The following CDH23 variants were observed in gnomAD, a reference collection of about 807,000 sequenced individuals.
CDH23 encodes cadherin related 23, also known as cadherin-23.
Under a neutral mutation model 317.1 loss-of-function variants are expected in CDH23, and 189 were observed. The observed-to-expected ratio is 0.60, with a 90% confidence interval of 0.53 to 0.67. The LOEUF (loss-of-function observed/expected upper bound fraction) is 0.67. Among genes scored for constraint, CDH23 ranks in the 30% least tolerant of loss-of-function variants. The probability of loss-of-function intolerance (pLI) is 0.00; values close to 1 mark genes in which losing one functional copy is unlikely to be tolerated. For missense variants in CDH23, 4,401 were observed against 4,592.4 expected (o/e 0.96, Z 1.20); for synonymous variants, 1,839 against 1,876.8 (o/e 0.98, Z 0.52).
At chr10:71,580,281 G>A (rs1001610237) in intron 9 of CDH23, among the ~76,000 whole-genome samples, 2 of 152,226 alleles carry the variant, frequency 1.3e-5, no homozygotes, top group African/African-American at 4.8e-5. Context: ...ACTGCCTGCA[G>A]CATCTCCAGT....
chr10:71,672,856 C>T (rs1036917811), intron 14 of CDH23, among the ~76,000 whole-genome samples: 7 of 152,248 alleles, frequency 4.6e-5, no homozygotes, highest in Admixed American at 1.3e-4. Context: ...TTGTGGGGCA[C>T]CCAGATCTGA....
chr10:71,689,084 TGGTGGAGC>T (rs1564733991), intron 19 of CDH23, among the ~76,000 whole-genome samples: 309 of 139,890 alleles, frequency 2.2e-3, no homozygotes, highest in African/African-American at 4.1e-3. Context: ...GAGCCAGGGG[TGGTGGAGC>T]CAGGGGTGGT....
At chr10:71,765,774 C>T (rs1840525608) in intron 38 of CDH23, among the ~76,000 whole-genome samples, 1 of 152,094 alleles carries the variant, frequency 6.6e-6, no homozygotes, top group Non-Finnish European at 1.5e-5. Context: ...GAGTTGTTCC[C>T]CTTTTAGAAA....
intron 3 of CDH23, among the ~76,000 whole-genome samples, chr10:71,499,421 G>A (rs146230284): frequency 0.017 from 2,604 of 152,028 alleles, 60 homozygotes; most frequent in African/African-American, 0.054. Context: ...AATTAGCCAC[G>A]CATAGTGGCA....
chr10:71,617,074 G>A (rs989513935), intron 10 of CDH23, 131 bp from the exon 11 acceptor site: 2 of 1,231,830 alleles, frequency 1.6e-6, no homozygotes, highest in Non-Finnish European at 2.2e-6. Context: ...TCCTCCTGGA[G>A]TTGTGGTGAG....
rs746797695 is a variant in CDH23, at chr10:71,732,255, G to A, written c.3984G>A (p.Leu1328=). ...CTGCCATCCTGGAGAATCTGGCACT[G>A]GGTACTGAGATTGTGCGGGTCCAGG... ...YEAAILENLA[L]GTEIVRVQAY... Residue 1328 remains leucine (L), a synonymous_variant, in exon 32 of 70, where the codon CTG becomes CTA. Transcript: ENST00000224721. 6 of 1,613,742 alleles carry A rather than the reference G, an allele frequency of 3.7e-6. No homozygotes were observed. The highest frequency in any genetic ancestry group is 5.1e-6 in the Non-Finnish European group (6 of 1,179,746).
At chr10:71,717,021 C>G (rs866827451) in intron 28 of CDH23, 2 of 152,288 alleles carry the variant, frequency 1.3e-5, no homozygotes, top group African/African-American at 4.8e-5. Flanking sequence ...CACCCTCCCC[C>G]ACAGGCCCAC....
At chr10:71,661,232 G>C (rs1863635825) in intron 14 of CDH23, among the ~76,000 whole-genome samples, 1 of 152,120 alleles carries the variant, frequency 6.6e-6, no homozygotes, top group African/African-American at 2.4e-5. Context: ...AACTTGATTA[G>C]CCAACATACA....
rs778556511 is a variant in CDH23, at chr10:71,805,852, A to G, written c.7919A>G (p.Lys2640Arg). 1 of 1,613,814 alleles carries G rather than the reference A, an allele frequency of 6.2e-7. No homozygotes were observed. Among genetic ancestry groups the G allele is most frequent in the South Asian group, 1.1e-5 (1 of 91,000 alleles). ...GTGTACGAGGTCTACGCCACGGACA[A>G]GGATGAGGGCCTCAACGGGGCGGTG... ...SNVYEVYATD[K>R]DEGLNGAVRY... The change falls in exon 56 of 70, where the codon AAG becomes AGG. Residue 2640 changes from lysine to arginine, a missense_variant. Physicochemically the swap from Lys to Arg is conservative, Grantham distance 26. This residue lies in a region of CDH23 where 1,144 missense variants were observed against 1,138.2 expected (regional missense o/e 1.01). Coordinates refer to ENST00000224721, the MANE Select transcript of CDH23 (RefSeq NM_022124.6).
intron 18 of CDH23, among the ~76,000 whole-genome samples, chr10:71,687,361 G>C (rs1864949579): frequency 1.3e-5 from 2 of 152,138 alleles, no homozygotes; most frequent in Non-Finnish European, 2.9e-5. Flanking sequence ...GCTGGCAGCT[G>C]TCGGCAGTCC....
chr10:71,472,838 G>A (rs1337186650), intron 3 of CDH23, among the ~76,000 whole-genome samples: 2 of 152,198 alleles, frequency 1.3e-5, no homozygotes, highest in African/African-American at 2.4e-5. Context: ...TGGGAAAATA[G>A]CATCTTTAAT....
At chr10:71,523,996 C>G (rs1197379021) in intron 6 of CDH23, among the ~76,000 whole-genome samples, 1 of 152,222 alleles carries the variant, frequency 6.6e-6, no homozygotes, top group Non-Finnish European at 1.5e-5. Context: ...TCACCCTCCC[C>G]GTTTTTCATG....
Position 71,808,006 on chromosome 10 carries a change from G to A in CDH23, c.8721G>A (p.Met2907Ile), listed in dbSNP as rs1841790913. ...DSEDVGQVFT[M>I]GSMDGILRTF... is the part of the protein sequence containing the mutation. ...AAGATGTGGGCCAGGTCTTCACCAT[G>A]GGTAGGGCCTGGCAGCACATGAGTG... is the stretch of plus-strand genomic sequence containing the variant. Residue 2907 changes from methionine to isoleucine, a missense_variant and splice_region_variant, in exon 60 of 70, where the codon ATG becomes ATA. Met to Ile is a conservative substitution (Grantham distance 10). Transcript: ENST00000224721. 13 of 1,582,018 alleles carry A rather than the reference G, an allele frequency of 8.2e-6. No homozygotes were observed. The highest frequency in any genetic ancestry group is 1.1e-5 in the Non-Finnish European group (13 of 1,163,600).
At chr10:71,686,267 A>C (rs1199109571) in intron 18 of CDH23, among the ~76,000 whole-genome samples, 1 of 151,980 alleles carries the variant, frequency 6.6e-6, no homozygotes, top group Non-Finnish European at 1.5e-5. Flanking sequence ...CAGAAGCTTA[A>C]ATGTATAAGT....
chr10:71,517,382 G>T (rs1017623379), intron 6 of CDH23, among the ~76,000 whole-genome samples: 1 of 152,240 alleles, frequency 6.6e-6, no homozygotes, highest in African/African-American at 2.4e-5. Context: ...CATGTGAGGA[G>T]CCCTGGAGTG....
chr10:71,423,165 A>T (rs920310744), intron 1 of CDH23, among the ~76,000 whole-genome samples: 3 of 152,140 alleles, frequency 2.0e-5, no homozygotes, highest in African/African-American at 7.2e-5. Flanking sequence ...GGTCCAGTGA[A>T]AGAGACAGGC....
chr10:71,708,372 C>T (rs374327210), intron 26 of CDH23, among the ~76,000 whole-genome samples: 2 of 152,298 alleles, frequency 1.3e-5, no homozygotes, highest in East Asian at 1.9e-4. Context: ...CACCACAAAG[C>T]TGGTGCCGTG....
At chr10:71,460,144 C>T (rs1564594256) in intron 3 of CDH23, among the ~76,000 whole-genome samples, 1 of 152,256 alleles carries the variant, frequency 6.6e-6, no homozygotes, top group Admixed American at 6.5e-5. Context: ...TTCAAGCCCA[C>T]ATGTCTCTCT....
chr10:71,433,822 C>T (rs111714569), intron 1 of CDH23, among the ~76,000 whole-genome samples: 1,042 of 90,464 alleles, frequency 0.012, 28 homozygotes, highest in Non-Finnish European at 5.4e-3. Context: ...GATCCCACAC[C>T]GCTCCCCTGC....
Sources: allele counts gnomAD v4.1 joint callset (sites outside exome capture counted in the v4.1 genomes callset), GRCh38; gene constraint gnomAD v4.1.1; regional missense constraint gnomAD v4.1.1; transcripts MANE v1.5; gene names NCBI Gene and HGNC (gene_info 2026-07-23, HGNC 2026-07-21).